The following ZNF385A variants were observed in gnomAD, a reference collection of about 807,000 sequenced individuals.
ZNF385A encodes the protein zinc finger protein 385A, also known as hematopoietic zinc finger protein.
ZNF385A carries 14 observed loss-of-function variants against 32.1 expected under a neutral mutation model. The ratio of observed to expected loss-of-function variants is 0.44; its 90% CI spans 0.29 to 0.68. The LOEUF (loss-of-function observed/expected upper bound fraction) is 0.68. Among genes scored for constraint, ZNF385A ranks in the 30% least tolerant of loss-of-function variants. The probability of loss-of-function intolerance (pLI) is 0.14; values close to 1 mark genes in which losing one functional copy is unlikely to be tolerated. For synonymous variants in ZNF385A, 197 were observed against 202.7 expected (o/e 0.97, Z 0.24); for missense variants, 406 against 478.4 (o/e 0.85, Z 1.41).
At chr12:54,384,157 G>A (rs1955343541) in intron 1 of ZNF385A, among the ~76,000 whole-genome samples, 1 of 152,166 alleles carries the variant, frequency 6.6e-6, no homozygotes. Context: ...AGATGGTAGG[G>A]CGATTCACTG....
intron 4 of ZNF385A, 70 bp from the exon 5 acceptor site, chr12:54,371,166 G>A: frequency 6.7e-7 from 1 of 1,497,490 alleles, no homozygotes; most frequent in Non-Finnish European, 9.0e-7. Context: ...GCCTCAGAAT[G>A]CACATTCCCA....
chr12:54,376,322 G>A (rs1008461483), intron 1 of ZNF385A, among the ~76,000 whole-genome samples: 6 of 152,006 alleles, frequency 3.9e-5, no homozygotes, highest in Non-Finnish European at 8.8e-5. Flanking sequence ...ATCCACCAGA[G>A]GCCTCTGACA....
chr12:54,387,591 C>T (rs1364441970), upstream of ZNF385A, among the ~76,000 whole-genome samples: 3 of 152,192 alleles, frequency 2.0e-5, no homozygotes, highest in Non-Finnish European at 2.9e-5. Context: ...TCCCACCACT[C>T]ACTAGCTGGG....
chr12:54,389,808 GGGTGGGTAATA>G (rs781556437), intron 1 of ZNF385A, among the ~76,000 whole-genome samples: 59 of 152,236 alleles, frequency 3.9e-4, no homozygotes, highest in Middle Eastern at 3.4e-3. Context: ...ATTCATAGAA[GGGTGGGTAATA>G]CCTTCCCCTG....
At chr12:54,385,305 G>A (rs1262464607), upstream of ZNF385A, 1 of 152,202 alleles carries the variant, frequency 6.6e-6, no homozygotes, top group Admixed American at 6.5e-5. Flanking sequence ...GGGAATGCCT[G>A]GGTCTGACCC....
intron 1 of ZNF385A, among the ~76,000 whole-genome samples, chr12:54,380,282 T>C (rs1955077732): frequency 6.6e-6 from 1 of 152,266 alleles, no homozygotes. Flanking sequence ...GCTCTTTGCA[T>C]GGATTATCTA....
chr12:54,370,824 TG>T lies in ZNF385A; in HGVS notation c.774+102del. ...ACCGGCCCCCTCCCATCTGGCCCCC[TG>T]GGGAAAACTCTGAAGAAGGGCCTTT... On this transcript the variant is annotated intron_variant, in intron 5 of 6. Transcript: ENST00000394313. The surrounding 1 kb of genome is among the most constrained non-coding windows in gnomAD (Gnocchi z 5.5). The T allele has an allele frequency of 6.2e-7, 1 of 1,600,648 alleles. No individual in the cohort carries two copies. Among genetic ancestry groups the T allele is most frequent in the Non-Finnish European group, 8.5e-7 (1 of 1,173,508 alleles).
chr12:54,374,874 G>GC (rs2137198871), intron 2 of ZNF385A, among the ~76,000 whole-genome samples: 2 of 152,308 alleles, frequency 1.3e-5, no homozygotes, highest in East Asian at 3.9e-4. Context: ...TAAAGCAGAG[G>GC]CCTGATGCTG....
At position 54,373,959 on chromosome 12, in the gene ZNF385A, G is replaced by A. The variant is rs1220824811; in HGVS notation, c.361+14C>T. 2.0e-6 allele frequency: 3 copies of A among 1,466,442 alleles called. No individual in the cohort carries two copies. The highest frequency in any genetic ancestry group is 2.7e-6 in the Non-Finnish European group (3 of 1,097,250). The allele number at this position is 1,466,442 out of a possible 1,614,324, so 90.8% of individuals were successfully genotyped here. A position where few individuals can be genotyped will look rare whatever the true frequency, so the allele number is the denominator to read the frequency against. On this transcript the variant is annotated intron_variant, in intron 3 of 6. Coordinates refer to ENST00000394313, the MANE Select transcript of ZNF385A (RefSeq NM_015481.3). ...CAGAGATCAGTTGAAGAATATGCGG[G>A]GATTCAGACACACCTGGACGGGGTG...
chr12:54,387,372 T>G (rs182716241), upstream of ZNF385A, among the ~76,000 whole-genome samples: 17 of 152,250 alleles, frequency 1.1e-4, no homozygotes, highest in East Asian at 3.1e-3. Context: ...ACTATCTACT[T>G]CCCAGATTCC....
rs545645840 is a variant in ZNF385A at position 54,371,532 on chromosome 12, T to C, written c.545A>G (p.Tyr182Cys). ...EEEEKAKRLL[Y>C]CALCKVAVNS... ...CACAGCCACCTTGCACAGAGCACAG[T>C]AGAGCAGCCGCTTGGCTTTCTCCTC... is the stretch of plus-strand genomic sequence containing the variant. The change falls in exon 4 of 7, where the codon TAC becomes TGC. Residue 182 changes from tyrosine (Y) to cysteine (C), a missense_variant. Coordinates refer to ENST00000394313, the MANE Select transcript of ZNF385A (RefSeq NM_015481.3). The C allele has an allele frequency of 1.9e-6, 3 of 1,613,458 alleles. No homozygotes were observed. The highest frequency in any genetic ancestry group is 1.3e-5 in the African/African-American group (1 of 74,948).
In ZNF385A at chr12:54,370,477, T is replaced by C. The variant is rs1954468275; in HGVS notation, c.880A>G (p.Thr294Ala). Residue 294 changes from threonine (T) to alanine (A), a missense_variant, in exon 7 of 7, where the codon ACT (threonine) becomes GCT (alanine). Coordinates refer to ENST00000394313, the MANE Select transcript of ZNF385A (RefSeq NM_015481.3). This position sits in a 1 kb window ranked among gnomAD's most constrained non-coding sequence, Gnocchi z 5.5. ...GACTTGGGCAGCTCCTTGGAGAAAG[T>C]CAGCGTGCCCTGAAGCGGGCGAAAG... ...RGAGELAGTL[T>A]FSKELPKSLA... 6.4e-7 allele frequency: 1 copy of C among 1,551,130 alleles called. No homozygotes were observed. The highest frequency in any genetic ancestry group is 2.4e-5 in the East Asian group (1 of 40,896).
In ZNF385A at chr12:54,389,773, G is replaced by A. The variant is rs185571107; in HGVS notation, c.10+1462C>T. Among the ~76,000 whole-genome samples the A allele has an allele frequency of 2.2e-4, 34 of 152,198 alleles. No homozygotes were observed. In the East Asian group the frequency reaches 6.0e-3, roughly 27 times the overall value. On this transcript the variant is annotated intron_variant, in intron 1 of 7. Transcript: ENST00000338010. ...GGACTGAGTGCAATGTGTGCTGGTG[G>A]GGGTCACTCTAGCATCAGGGTGGTA... is the stretch of plus-strand genomic sequence containing the variant.
At chr12:54,375,090 C>T (rs1954771806) in intron 2 of ZNF385A, among the ~76,000 whole-genome samples, 1 of 151,884 alleles carries the variant, frequency 6.6e-6, no homozygotes, top group African/African-American at 2.4e-5. Context: ...GTGTGTGTCT[C>T]TGTACTGGGT....
chr12:54,384,729 A>G lies in ZNF385A; in HGVS notation c.-215T>C. ...CCTGCTGGCTCCAGAGCAATGGAGCACAGTGCCCTGTGGGCCTGGGGGAGG... is the reference window on the plus strand; with the variant it reads ...CCTGCTGGCTCCAGAGCAATGGAGCGCAGTGCCCTGTGGGCCTGGGGGAGG... On this transcript the variant is annotated 5_prime_UTR_variant, in exon 1 of 7. Transcript: ENST00000394313. The G allele has an allele frequency of 7.6e-7, 1 of 1,316,000 alleles. No individual in the cohort carries two copies. The highest frequency in any genetic ancestry group is 9.7e-7 in the Non-Finnish European group (1 of 1,035,340). 81.5% of individuals were successfully genotyped at this position (1,316,000 alleles called of 1,614,324 possible).
At chr12:54,371,215 GTTCT>G (rs1954532592) in intron 4 of ZNF385A, 119 bp from the exon 5 acceptor site, 14 of 1,203,070 alleles carry the variant, frequency 1.2e-5, no homozygotes, top group Non-Finnish European at 1.4e-5. Flanking sequence ...CACAGTGTGG[GTTCT>G]TTCTAACTAA....
intron 4 of ZNF385A, 118 bp from the exon 5 acceptor site, chr12:54,371,214 G>T: frequency 8.3e-7 from 1 of 1,200,894 alleles, no homozygotes; most frequent in Non-Finnish European, 1.1e-6. Context: ...GCACAGTGTG[G>T]GTTCTTTCTA....
rs770595313 is a variant in ZNF385A at position 54,370,614 on chromosome 12, T to C, written c.870+12A>G. ...CCCTCCCACTGCTGAATTCCCAGCA[T>C]CCAGGCCTCACCGCCAGCTCCCCGG... is the stretch of plus-strand genomic sequence containing the variant. On this transcript the variant is annotated intron_variant, in intron 6 of 6. Transcript: ENST00000394313. The surrounding 1 kb of genome is among the most constrained non-coding windows in gnomAD (Gnocchi z 5.5). 33 of 1,590,308 alleles carry C rather than the reference T, an allele frequency of 2.1e-5. No homozygotes were observed. Among genetic ancestry groups the C allele is most frequent in the Non-Finnish European group, 2.8e-5 (33 of 1,168,296 alleles).
intron 1 of ZNF385A, among the ~76,000 whole-genome samples, chr12:54,379,503 A>G (rs2137244950): frequency 6.6e-6 from 1 of 151,554 alleles, no homozygotes; most frequent in Middle Eastern, 3.4e-3. Context: ...CCTTTCTTTC[A>G]CCCCTTTTGC....
Sources: gnomAD v4.1 joint callset for allele counts (sites outside exome capture counted in the v4.1 genomes callset) on GRCh38, gnomAD v4.1.1 for gene constraint, Gnocchi (gnomAD v3.1) non-coding constraint, MANE v1.5 for transcripts, NCBI Gene and HGNC (gene_info 2026-07-23, HGNC 2026-07-21) for gene names.